DCBLD2: variants seen among roughly 807,000 people sequenced by gnomAD.
DCBLD2 encodes discoidin, CUB and LCCL domain-containing protein 2.
A neutral mutation model predicts 86.8 loss-of-function variants in DCBLD2; 54 were observed. The observed-to-expected ratio is 0.62, with a 90% CI of 0.50 to 0.78. DCBLD2 has a LOEUF of 0.78. Among genes scored for constraint, DCBLD2 ranks in the 30% least tolerant of loss-of-function variants. The pLI, the probability that DCBLD2 is intolerant of heterozygous loss-of-function variation, is 0.00. For missense variants in DCBLD2, 908 were observed against 954.2 expected, an observed-to-expected ratio of 0.95 and a Z score of 0.64; for synonymous variants, 354 against 341.3, an observed-to-expected ratio of 1.04 and a Z score of -0.41.
At position 98,901,177 on chromosome 3, in the gene DCBLD2, G is replaced by C; in HGVS notation, c.150C>G (p.Phe50Leu). 6.5e-7 allele frequency: 1 copy of C among 1,537,964 alleles called. No individual in the cohort carries two copies. Residue 50 changes from phenylalanine to leucine, a missense_variant, in exon 1 of 16, where the codon TTC (phenylalanine) becomes TTG (leucine). Phe to Leu is a conservative substitution (Grantham distance 22). Around this residue, in one of 3 missense-constraint regions of DCBLD2, gnomAD observed 294 missense variants for 256.0 expected, o/e 1.15. Transcript: ENST00000326840. ...SNSSSFSMPLFLLLLLVLLLL... is the reference protein window; with the variant it reads ...SNSSSFSMPLLLLLLLVLLLL... The stretch of plus-strand genomic sequence containing the variant: ...GGAGCAGGACAAGTAAGAGCAGGAG[G>C]AACAGAGGCATGGAGAAGGAGGAGG...
At position 98,798,906 on chromosome 3, in the gene DCBLD2, A is replaced by G. The variant is rs1319902577; in HGVS notation, c.*466T>C. The G allele has an allele frequency of 6.5e-6, 1 of 152,920 alleles. No individual in the cohort carries two copies. The highest frequency in any genetic ancestry group is 2.4e-5 in the African/African-American group (1 of 41,444). 9.5% of individuals were successfully genotyped at this position (152,920 alleles called of 1,614,324 possible). A position where few individuals can be genotyped will look rare whatever the true frequency, so the allele number is the denominator to read the frequency against. ...CTAATTATTAAAAAAAATCCAGAAA[A>G]GAATATAGGAATAGAAGAGGAAATC... On this transcript the variant is annotated 3_prime_UTR_variant, in exon 16 of 16. Transcript: ENST00000326840.
intron 3 of DCBLD2, among the ~76,000 whole-genome samples, chr3:98,839,185 TTCC>T (rs1942571329): frequency 6.9e-6 from 1 of 144,920 alleles, no homozygotes; most frequent in African/African-American, 2.6e-5. Flanking sequence ...TCTTTCTTCC[TTCC>T]TTCCTTCCTT....
rs1942796274 is a variant in DCBLD2, at chr3:98,849,576, C to T, written c.456G>A (p.Leu152=). Residue 152 remains leucine (L), a synonymous_variant, in exon 3 of 16, where the codon TTG becomes TTA. Coordinates refer to ENST00000326840, the MANE Select transcript of DCBLD2 (RefSeq NM_080927.4). ...TTGATTCAATTGAATGGTTCATTTG[C>T]AACCCCAGACCACAGTATTTGCCTA... ...TEIGKYCGLG[L]QMNHSIESKG... The T allele has an allele frequency of 6.2e-7, 1 of 1,613,024 alleles. No homozygotes were observed. The highest frequency in any genetic ancestry group is 8.5e-7 in the Non-Finnish European group (1 of 1,179,136).
At chr3:98,811,096 G>A in intron 12 of DCBLD2, 98 bp downstream of exon 12, 1 of 1,347,494 alleles carries the variant, frequency 7.4e-7, no homozygotes, top group Non-Finnish European at 9.9e-7. Context: ...AACTATAGTT[G>A]GAAGAAAATA....
chr3:98,870,809 GA>G (rs879675554), intron 2 of DCBLD2, among the ~76,000 whole-genome samples: 4,060 of 145,766 alleles, frequency 0.028, 99 homozygotes, highest in Middle Eastern at 0.036. Flanking sequence ...AAGAAAGAAA[GA>G]AAGGTAGGCA....
rs56369137 is a variant in DCBLD2 at position 98,797,036 on chromosome 3, T to TAAAAAAAAAAAAAAAAAAAAAAAA, written c.*2335_*2336insTTTTTTTTTTTTTTTTTTTTTTTT. On this transcript the variant is annotated 3_prime_UTR_variant, in exon 16 of 16. Coordinates refer to ENST00000326840, the MANE Select transcript of DCBLD2 (RefSeq NM_080927.4). ...ATATGTATCAGACATATAAATGTAG[T>TAAAAAAAAAAAAAAAAAAAAAAAA]AAAAAAAAAAAAAAAAAAAATAGAA... The TAAAAAAAAAAAAAAAAAAAAAAAA allele has an allele frequency of 7.5e-6, 1 of 133,386 alleles. No individual in the cohort carries two copies. Among genetic ancestry groups the TAAAAAAAAAAAAAAAAAAAAAAAA allele is most frequent in the Non-Finnish European group, 1.6e-5 (1 of 62,668 alleles). The allele number at this position is 133,386 out of a possible 1,614,324, so 8.3% of individuals were successfully genotyped here.
intron 1 of DCBLD2, among the ~76,000 whole-genome samples, chr3:98,892,318 G>T (rs1943676166): frequency 6.6e-6 from 1 of 152,088 alleles, no homozygotes; most frequent in Middle Eastern, 3.4e-3. Flanking sequence ...CTTTATAAAT[G>T]TAACACTCTT....
At chr3:98,879,569 A>G (rs2107520598) in intron 2 of DCBLD2, among the ~76,000 whole-genome samples, 1 of 152,152 alleles carries the variant, frequency 6.6e-6, no homozygotes, top group African/African-American at 2.4e-5. Flanking sequence ...TTGTATTTTC[A>G]GTAGAGGCAG....
intron 1 of DCBLD2, among the ~76,000 whole-genome samples, chr3:98,897,615 A>G (rs1489721745): frequency 6.6e-6 from 1 of 152,170 alleles, no homozygotes; most frequent in African/African-American, 2.4e-5. Context: ...TTGACAGAAT[A>G]TAAACTTTTT....
At chr3:98,885,685 C>T (rs1446914843) in intron 1 of DCBLD2, among the ~76,000 whole-genome samples, 1 of 151,454 alleles carries the variant, frequency 6.6e-6, no homozygotes, top group Non-Finnish European at 1.5e-5. Flanking sequence ...CACCAAGATA[C>T]TTAAAATACG....
At chr3:98,836,670 G>A (rs1942461121) in intron 3 of DCBLD2, among the ~76,000 whole-genome samples, 2 of 119,472 alleles carry the variant, frequency 1.7e-5, no homozygotes, top group African/African-American at 3.1e-5. Context: ...AGTAGGGGCG[G>A]CCGGGCAGAG....
chr3:98,887,915 A>G (rs578052816), intron 1 of DCBLD2, among the ~76,000 whole-genome samples: 51 of 152,080 alleles, frequency 3.4e-4, no homozygotes, highest in East Asian at 1.9e-3. Flanking sequence ...AATATATGAC[A>G]TGTACCCACC....
chr3:98,812,248 A>T, intron 10 of DCBLD2, 84 bp downstream of exon 10: 1 of 1,522,082 alleles, frequency 6.6e-7, no homozygotes, highest in Admixed American at 2.2e-5. Flanking sequence ...CACTCACATT[A>T]TTAATTACTC....
intron 2 of DCBLD2, among the ~76,000 whole-genome samples, chr3:98,876,446 C>T (rs1338887375): frequency 2.0e-5 from 2 of 100,104 alleles, no homozygotes; most frequent in South Asian, 6.4e-4. Flanking sequence ...AAAAAAAGGC[C>T]GTCAACATAT....
chr3:98,864,456 A>C (rs192301955), intron 2 of DCBLD2, among the ~76,000 whole-genome samples: 1 of 152,220 alleles, frequency 6.6e-6, no homozygotes, highest in Non-Finnish European at 1.5e-5. Context: ...AACCAACCCA[A>C]ATGTCCATCA....
chr3:98,814,871 A>C (rs1391582975), intron 9 of DCBLD2: 1 of 152,256 alleles, frequency 6.6e-6, no homozygotes. Flanking sequence ...ACTGGATAAC[A>C]GGCTGCCTTG....
intron 2 of DCBLD2, among the ~76,000 whole-genome samples, chr3:98,851,451 T>C (rs1290914506): frequency 3.9e-5 from 6 of 152,192 alleles, no homozygotes; most frequent in Non-Finnish European, 2.9e-5. Context: ...CGGATACAAA[T>C]GGAAAAACAT....
At chr3:98,814,328 G>A (rs756524041) in intron 9 of DCBLD2, 2 of 152,098 alleles carry the variant, frequency 1.3e-5, no homozygotes, top group African/African-American at 4.8e-5. Flanking sequence ...GAACAGGGAC[G>A]ATAACAAATC....
rs1024381295 is a variant in DCBLD2 at position 98,881,866 on chromosome 3, A to G, written c.206-99T>C. The G allele has an allele frequency of 1.1e-4, 130 of 1,143,056 alleles. No homozygotes were observed. The African/African-American group carries it at 1.8e-3, about 16-fold the overall frequency. The allele number at this position is 1,143,056 out of a possible 1,614,324, so 70.8% of individuals were successfully genotyped here. A position where few individuals can be genotyped will look rare whatever the true frequency, so the allele number is the denominator to read the frequency against. ...GATTTAAAAATATGCACGACATCAA[A>G]TATTTTATACCACCCATACTTTCTA... On this transcript the variant is annotated intron_variant, in intron 1 of 15. Coordinates refer to ENST00000326840, the MANE Select transcript of DCBLD2 (RefSeq NM_080927.4).
Sources: allele counts gnomAD v4.1 joint callset (sites outside exome capture counted in the v4.1 genomes callset), GRCh38; gene constraint gnomAD v4.1.1; regional missense constraint gnomAD v4.1.1; transcripts MANE v1.5; gene names NCBI Gene and HGNC (gene_info 2026-07-23, HGNC 2026-07-21).